The following CDKAL1 variants were observed in gnomAD, a reference collection of about 807,000 sequenced individuals.
The protein encoded by CDKAL1 is CDKAL1 threonylcarbamoyladenosine tRNA methylthiotransferase, also known as threonylcarbamoyladenosine tRNA methylthiotransferase.
Under a neutral mutation model 68.2 loss-of-function variants are expected in CDKAL1, and 32 were observed. The ratio of observed to expected loss-of-function variants is 0.47; its 90% CI spans 0.35 to 0.63. The LOEUF (loss-of-function observed/expected upper bound fraction) is 0.63. Ranked by LOEUF, CDKAL1 falls within the 30% of genes least tolerant of loss-of-function variation. The pLI, the probability that CDKAL1 is intolerant of heterozygous loss-of-function variation, is 0.00. For missense variants in CDKAL1, 606 were observed against 696.7 expected (o/e 0.87, Z 1.47); for synonymous variants, 234 against 244.3 (o/e 0.96, Z 0.39).
intron 9 of CDKAL1, among the ~76,000 whole-genome samples, chr6:20,898,634 A>G (rs966745907): frequency 3.3e-5 from 5 of 152,054 alleles, no homozygotes; most frequent in Non-Finnish European, 5.9e-5. Context: ...TCTAAATTCT[A>G]TGGATTCAGT....
intron 11 of CDKAL1, among the ~76,000 whole-genome samples, chr6:21,046,041 C>T (rs150803593): frequency 1.3e-5 from 2 of 152,156 alleles, no homozygotes; most frequent in African/African-American, 4.8e-5. Context: ...CATTGGGCAG[C>T]TTACATGACC....
intron 6 of CDKAL1, among the ~76,000 whole-genome samples, chr6:20,750,401 T>G (rs1400327630): frequency 6.6e-6 from 1 of 152,222 alleles, no homozygotes; most frequent in African/African-American, 2.4e-5. Flanking sequence ...TAGTTAGTGT[T>G]TAACAAATAT....
intron 13 of CDKAL1, among the ~76,000 whole-genome samples, chr6:21,152,306 A>T (rs781764346): frequency 7.2e-5 from 11 of 152,090 alleles, no homozygotes; most frequent in Non-Finnish European, 1.3e-4. Flanking sequence ...CTTCACTTTC[A>T]CATGGGCATA....
At chr6:20,574,399 C>T (rs1287296962) in intron 4 of CDKAL1, among the ~76,000 whole-genome samples, 3 of 152,026 alleles carry the variant, frequency 2.0e-5, no homozygotes, top group Admixed American at 6.6e-5. Flanking sequence ...GGAAGGTACC[C>T]CTATACCTCC....
chr6:20,768,094 A>C (rs879636388), intron 7 of CDKAL1, among the ~76,000 whole-genome samples: 2 of 152,222 alleles, frequency 1.3e-5, no homozygotes, highest in Admixed American at 1.3e-4. Context: ...TGAAAATTAA[A>C]GTGCACCATT....
At chr6:20,678,363 C>T (rs929290676) in intron 5 of CDKAL1, among the ~76,000 whole-genome samples, 4 of 151,976 alleles carry the variant, frequency 2.6e-5, no homozygotes, top group Non-Finnish European at 5.9e-5. Flanking sequence ...TATGTTACTC[C>T]TTTGTCTCTT....
chr6:20,756,044 C>A (rs1408097128), intron 6 of CDKAL1: 1 of 152,172 alleles, frequency 6.6e-6, no homozygotes, highest in Non-Finnish European at 1.5e-5. Flanking sequence ...TTACCCCTAA[C>A]CTCTTCTTTC....
intron 11 of CDKAL1, 61 bp downstream of exon 11, chr6:21,000,433 A>AT: frequency 7.0e-7 from 1 of 1,433,616 alleles, no homozygotes; most frequent in African/African-American, 1.4e-5. Context: ...GCTTGTGGCA[A>AT]AAATGCACTT....
chr6:21,208,241 G>A (rs879628463), intron 15 of CDKAL1, among the ~76,000 whole-genome samples: 2 of 152,090 alleles, frequency 1.3e-5, no homozygotes, highest in Admixed American at 1.3e-4. Flanking sequence ...GGGTGGCATG[G>A]TTTGCTTCAT....
chr6:21,109,840 G>C (rs192812655), intron 13 of CDKAL1, among the ~76,000 whole-genome samples: 1 of 152,180 alleles, frequency 6.6e-6, no homozygotes, highest in Non-Finnish European at 1.5e-5. Flanking sequence ...AAAAGGCGAT[G>C]GCAAATCAGA....
chr6:20,703,429 GGT>G (rs1195022574), intron 5 of CDKAL1, among the ~76,000 whole-genome samples: 3 of 151,378 alleles, frequency 2.0e-5, no homozygotes, highest in Non-Finnish European at 4.4e-5. Context: ...TGGTGTAGAT[GGT>G]TAATATCCAA....
chr6:20,655,700 C>T (rs1452948323), intron 5 of CDKAL1, among the ~76,000 whole-genome samples: 1 of 152,110 alleles, frequency 6.6e-6, no homozygotes, highest in Non-Finnish European at 1.5e-5. Flanking sequence ...CACCTCCCAC[C>T]CCCGGTCTGT....
chr6:20,603,464 G>C (rs997880996), intron 4 of CDKAL1, among the ~76,000 whole-genome samples: 1 of 152,186 alleles, frequency 6.6e-6, no homozygotes, highest in Non-Finnish European at 1.5e-5. Flanking sequence ...ACCAACTTCT[G>C]TTCCATTGCT....
At chr6:20,660,138 C>T (rs1172393328) in intron 5 of CDKAL1, among the ~76,000 whole-genome samples, 3 of 152,136 alleles carry the variant, frequency 2.0e-5, no homozygotes, top group Non-Finnish European at 4.4e-5. Context: ...CTAAGCTTCA[C>T]CTCACCTCTT....
intron 4 of CDKAL1, among the ~76,000 whole-genome samples, chr6:20,558,159 G>A (rs771687994): frequency 1.3e-5 from 2 of 152,170 alleles, no homozygotes; most frequent in Admixed American, 6.5e-5. Context: ...TAGCATAGAG[G>A]TAGTAGAAAT....
chr6:20,614,820 G>A (rs1262296014), intron 4 of CDKAL1, among the ~76,000 whole-genome samples: 1 of 151,784 alleles, frequency 6.6e-6, no homozygotes, highest in Non-Finnish European at 1.5e-5. Flanking sequence ...GGGTACATGT[G>A]CACATTGTGC....
chr6:21,206,640 AAG>A (rs1489581094), intron 15 of CDKAL1, among the ~76,000 whole-genome samples: 23 of 152,316 alleles, frequency 1.5e-4, no homozygotes, highest in African/African-American at 5.5e-4. Flanking sequence ...GCTTTAAAGA[AAG>A]AAGTAGAGTA....
chr6:21,219,674 G>A lies in CDKAL1; in HGVS notation c.1549-11174G>A, dbSNP rs189501092. On this transcript the variant is annotated intron_variant, in intron 15 of 15. Coordinates refer to ENST00000274695, the MANE Select transcript of CDKAL1 (RefSeq NM_017774.3). ...TATAGAGCTCAGTGATGCTGAAACC[G>A]TATTTCCAGTGTCACTGAAAATGAT... Among the ~76,000 whole-genome samples the A allele has an allele frequency of 2.8e-3, 428 of 152,264 alleles. 2 individuals carry two copies. The highest frequency in any genetic ancestry group is 4.8e-3 in the Non-Finnish European group (329 of 68,014).
intron 4 of CDKAL1, among the ~76,000 whole-genome samples, chr6:20,648,233 A>G (rs372343748): frequency 9.3e-5 from 14 of 150,686 alleles, no homozygotes; most frequent in East Asian, 7.9e-4. Flanking sequence ...GGTTCAAGCA[A>G]TTCTCTGCCT....
Sources: allele counts gnomAD v4.1 joint callset (sites outside exome capture counted in the v4.1 genomes callset), GRCh38; gene constraint gnomAD v4.1.1; transcripts MANE v1.5; gene names NCBI Gene and HGNC (gene_info 2026-07-23, HGNC 2026-07-21).